Variants in DTNA observed in about 807,000 individuals in gnomAD.
DTNA encodes the protein dystrophin-related protein 3.
DTNA carries 43 observed loss-of-function variants against 100.7 expected under a neutral mutation model. The ratio of observed to expected loss-of-function variants is 0.43; its 90% CI spans 0.33 to 0.55. The LOEUF (loss-of-function observed/expected upper bound fraction) is 0.55. DTNA is among the 20% of genes least tolerant of loss of function. DTNA has a pLI of 0.04. For missense variants in DTNA, 798 were observed against 953.9 expected (o/e 0.84, Z 2.15); for synonymous variants, 349 against 347.9 (o/e 1.00, Z -0.04).
At chr18:34,776,390 G>T (rs2094050818) in intron 3 of DTNA, among the ~76,000 whole-genome samples, 1 of 152,184 alleles carries the variant, frequency 6.6e-6, no homozygotes, top group Non-Finnish European at 1.5e-5. Flanking sequence ...CTGGAGTGCA[G>T]TGGCACGATC....
At position 34,838,825 on chromosome 18, in the gene DTNA, A is replaced by G. The variant is rs2096209583; in HGVS notation, c.1334A>G (p.Asn445Ser). The G allele has an allele frequency of 1.2e-6, 2 of 1,613,516 alleles. No homozygotes were observed. Among genetic ancestry groups the G allele is most frequent in the African/African-American group, 1.3e-5 (1 of 74,880 alleles). ...GGGTTGTATGTCAACATGCTCCGGA[A>G]CAACCCCTCATGGTTAGTGCAGGTT... ...LIGLYVNMLR[N>S]NPSCMLESSN... The change falls in exon 13 of 23, where the codon AAC becomes AGC. Residue 445 changes from asparagine to serine, a missense_variant. This residue lies in a region of DTNA where 159 missense variants were observed against 201.2 expected (regional missense o/e 0.79). Transcript: ENST00000444659.
chr18:34,719,962 G>C (rs1176420939), intron 1 of DTNA, among the ~76,000 whole-genome samples: 1 of 152,104 alleles, frequency 6.6e-6, no homozygotes. Context: ...ACTAATAAGA[G>C]CAAATGGAAT....
chr18:34,594,691 T>C (rs2050231094), intron 1 of DTNA, among the ~76,000 whole-genome samples: 1 of 152,208 alleles, frequency 6.6e-6, no homozygotes, highest in African/African-American at 2.4e-5. Flanking sequence ...AAAATGGGCA[T>C]TATATTGATA....
intron 1 of DTNA, among the ~76,000 whole-genome samples, chr18:34,608,911 T>A (rs2053656026): frequency 6.6e-6 from 1 of 152,220 alleles, no homozygotes; most frequent in South Asian, 2.1e-4. Context: ...ATCTCAGACC[T>A]AGAGCACGTT....
chr18:34,535,577 T>C (rs2043619137), intron 1 of DTNA, among the ~76,000 whole-genome samples: 1 of 152,192 alleles, frequency 6.6e-6, no homozygotes, highest in Non-Finnish European at 1.5e-5. Context: ...CATGCCTATG[T>C]CCTGAGTGAT....
chr18:34,769,724 G>GTTTTTTTTTTTTTTTTTTTTTT, intron 3 of DTNA, among the ~76,000 whole-genome samples: 1 of 41,414 alleles, frequency 2.4e-5, no homozygotes, highest in Non-Finnish European at 6.6e-5. Flanking sequence ...GCCCTCTGGG[G>GTTTTTTTTTTTTTTTTTTTTTT]CTTTTTTTTT....
intron 1 of DTNA, among the ~76,000 whole-genome samples, chr18:34,694,238 T>C (rs2080199892): frequency 6.6e-6 from 1 of 152,180 alleles, no homozygotes; most frequent in Non-Finnish European, 1.5e-5. Context: ...CAGAATACTA[T>C]TTACCTTTTC....
At chr18:34,751,555 A>G (rs1362950414) in intron 1 of DTNA, among the ~76,000 whole-genome samples, 2 of 152,216 alleles carry the variant, frequency 1.3e-5, no homozygotes, top group Admixed American at 1.3e-4. Flanking sequence ...GCACCCAGCA[A>G]TACTGAGCAA....
chr18:34,816,986 G>A (rs142376484), intron 7 of DTNA, among the ~76,000 whole-genome samples: 22 of 152,232 alleles, frequency 1.4e-4, no homozygotes, highest in Admixed American at 7.2e-4. Flanking sequence ...ATATGCAGAA[G>A]CGAAGAGCAA....
At chr18:34,664,674 A>G (rs1023034506) in intron 1 of DTNA, among the ~76,000 whole-genome samples, 4 of 152,184 alleles carry the variant, frequency 2.6e-5, no homozygotes, top group African/African-American at 9.6e-5. Flanking sequence ...TTGCTCTATC[A>G]CAGAGACACA....
chr18:34,879,785 G>A, intron 20 of DTNA, 66 bp downstream of exon 20: 2 of 1,593,780 alleles, frequency 1.3e-6, no homozygotes, highest in Non-Finnish European at 1.7e-6. Flanking sequence ...CAATAAGAAA[G>A]TAAAAGCATA....
chr18:34,673,264 T>TTAG (rs1385386777), intron 1 of DTNA, among the ~76,000 whole-genome samples: 1 of 151,974 alleles, frequency 6.6e-6, no homozygotes, highest in Non-Finnish European at 1.5e-5. Context: ...TTTTGTATTA[T>TTAG]TAGTATTATT....
At chr18:34,717,727 G>A in intron 1 of DTNA, among the ~76,000 whole-genome samples, 1 of 152,132 alleles carries the variant, frequency 6.6e-6, no homozygotes, top group East Asian at 1.9e-4. Flanking sequence ...GAGAGAAAAT[G>A]CTGTGTGGAG....
At chr18:34,883,972 A>G (rs145608383) in intron 21 of DTNA, among the ~76,000 whole-genome samples, 1 of 152,206 alleles carries the variant, frequency 6.6e-6, no homozygotes, top group African/African-American at 2.4e-5. Context: ...CCTGATTGCA[A>G]ACCCATGGAG....
chr18:34,594,133 C>G (rs1386287806), intron 1 of DTNA, among the ~76,000 whole-genome samples: 1 of 150,748 alleles, frequency 6.6e-6, no homozygotes, highest in African/African-American at 2.5e-5. Context: ...AGCAGGTTCC[C>G]CTCCTTCAGG....
chr18:34,860,297 G>A (rs1321470648), intron 16 of DTNA, among the ~76,000 whole-genome samples: 3 of 121,982 alleles, frequency 2.5e-5, no homozygotes, highest in African/African-American at 9.7e-5. Flanking sequence ...TTGAACTCCT[G>A]ACCTCGTGAT....
At chr18:34,715,515 C>A (rs1044020292) in intron 1 of DTNA, among the ~76,000 whole-genome samples, 3 of 151,704 alleles carry the variant, frequency 2.0e-5, no homozygotes, top group Non-Finnish European at 2.9e-5. Flanking sequence ...TATTTTATAT[C>A]TGAAACCTGT....
intron 1 of DTNA, among the ~76,000 whole-genome samples, chr18:34,520,662 AAATAAT>A (rs2042069820): frequency 6.6e-6 from 1 of 151,814 alleles, no homozygotes; most frequent in African/African-American, 2.4e-5. Flanking sequence ...TCTCAAAAAA[AAATAAT>A]AATAATAAAA....
At chr18:34,614,581 T>C (rs569755420) in intron 1 of DTNA, among the ~76,000 whole-genome samples, 71 of 152,236 alleles carry the variant, frequency 4.7e-4, no homozygotes, top group Admixed American at 6.5e-4. Flanking sequence ...ATTTCAACCC[T>C]CATGAATGAC....
Sources: gnomAD v4.1 joint callset for allele counts (sites outside exome capture counted in the v4.1 genomes callset) on GRCh38, gnomAD v4.1.1 for gene constraint, gnomAD v4.1.1 regional missense constraint, MANE v1.5 for transcripts, NCBI Gene and HGNC (gene_info 2026-07-23, HGNC 2026-07-21) for gene names.